PLBD2: variants seen among roughly 807,000 people sequenced by gnomAD.
The protein encoded by PLBD2 is phospholipase B domain containing 2.
A neutral mutation model predicts 68.3 loss-of-function variants in PLBD2; 51 were observed. That is an observed-to-expected ratio of 0.75 (90% CI 0.60 to 0.94). PLBD2 has a LOEUF of 0.94. Among genes scored for constraint, PLBD2 ranks in the 40% least tolerant of loss-of-function variants. The pLI is 0.00. For missense variants in PLBD2, 729 were observed against 792.2 expected, an observed-to-expected ratio of 0.92 and a Z score of 0.96; for synonymous variants, 314 against 339.3, an observed-to-expected ratio of 0.93 and a Z score of 0.82.
Position 113,387,826 on chromosome 12 carries a change from C to T in PLBD2, c.1522C>T (p.Arg508Cys), listed in dbSNP as rs552764818. ...QPNGENAISA[R>C]SDLNPANGSY... ...CAATGGGGAGAATGCTATCTCCGCC[C>T]GCTCCGACCTCAACCCGGCCAATGG... Residue 508 changes from arginine (R) to cysteine (C), a missense_variant, in exon 11 of 12, where the codon CGC (arginine) becomes TGC (cysteine). Physicochemically the swap from Arg to Cys is radical, Grantham distance 180 (BLOSUM62 -3). Transcript: ENST00000280800. 26 of 1,614,130 alleles carry T rather than the reference C, an allele frequency of 1.6e-5. No homozygotes were observed. In the Admixed American group the frequency reaches 2.2e-4, roughly 13 times the overall value.
At chr12:113,371,437 C>T (rs1357219075) in intron 2 of PLBD2, among the ~76,000 whole-genome samples, 1 of 152,228 alleles carries the variant, frequency 6.6e-6, no homozygotes, top group African/African-American at 2.4e-5. Context: ...TCCAGTGGGA[C>T]ACCCTTTTAT....
At position 113,374,937 on chromosome 12, in the gene PLBD2, C is replaced by T; in HGVS notation, c.789C>T (p.Thr263=). 6.2e-7 allele frequency: 1 copy of T among 1,614,166 alleles called. No individual in the cohort carries two copies. ...GTGACCTCCTGGTTGCCCACAACAC[C>T]TGGAACAACTACCAGCACATGCTGC... is the stretch of plus-strand genomic sequence containing the variant. ...GQSDLLVAHN[T]WNNYQHMLRV... Residue 263 remains threonine, a synonymous_variant, in exon 5 of 12, where the codon ACC becomes ACT. Transcript: ENST00000280800.
Position 113,384,361 on chromosome 12 carries a change from C to T in PLBD2, c.1118+96C>T, listed in dbSNP as rs977596488. On this transcript the variant is annotated intron_variant, in intron 7 of 11. Transcript: ENST00000280800. This position sits in a 1 kb window ranked among gnomAD's most constrained non-coding sequence, Gnocchi z 4.2. ...ACTCCTGGGGACCAGATGTGGCATC[C>T]GGGCCACACACCCCACGCCCTCCTT... The T allele has an allele frequency of 2.8e-5, 39 of 1,413,096 alleles. No homozygotes were observed. The highest frequency in any genetic ancestry group is 1.3e-4 in the African/African-American group (9 of 70,244). The allele number at this position is 1,413,096 out of a possible 1,614,324, so 87.5% of individuals were successfully genotyped here. A position where few individuals can be genotyped will look rare whatever the true frequency, so the allele number is the denominator to read the frequency against.
intron 2 of PLBD2, among the ~76,000 whole-genome samples, chr12:113,369,489 A>G (rs142005800): frequency 5.3e-5 from 8 of 152,370 alleles, no homozygotes; most frequent in African/African-American, 1.9e-4. Context: ...CATCACATGC[A>G]GTAAAACTAG....
rs1023360750 is a variant in PLBD2 at position 113,390,976 on chromosome 12, C to G, written c.*2350C>G. On this transcript the variant is annotated 3_prime_UTR_variant, in exon 12 of 12. Transcript: ENST00000280800. ...TCTGTGCAGATTCATTAATATCCAC[C>G]CATGCATCCATATTTATCTATTTTC... is the stretch of plus-strand genomic sequence containing the variant. 2 of 152,244 alleles carry G rather than the reference C, an allele frequency of 1.3e-5. No homozygotes were observed. The highest frequency in any genetic ancestry group is 6.5e-5 in the Admixed American group (1 of 15,278). The allele number at this position is 152,244 out of a possible 1,614,324, so 9.4% of individuals were successfully genotyped here.
intron 6 of PLBD2, among the ~76,000 whole-genome samples, chr12:113,383,176 G>A (rs1267050440): frequency 1.3e-5 from 2 of 152,204 alleles, no homozygotes; most frequent in African/African-American, 4.8e-5. Flanking sequence ...GAGACTGAGG[G>A]CCTCTCCTGT....
chr12:113,377,622 C>T (rs1381711496), intron 5 of PLBD2, among the ~76,000 whole-genome samples: 1 of 152,094 alleles, frequency 6.6e-6, no homozygotes, highest in African/African-American at 2.4e-5. Flanking sequence ...AATGGGGTTT[C>T]GCCATGTTGG....
rs1309523329 is a variant in PLBD2, at chr12:113,375,853, A to G, written c.859+846A>G. On this transcript the variant is annotated intron_variant, in intron 5 of 11. Coordinates refer to ENST00000280800, the MANE Select transcript of PLBD2 (RefSeq NM_173542.4). ...GAGACCTTGGTGAAACTGACACAGC[A>G]TTCTTTTCTTTTTATTTTGAGACAG... 5.3e-5 allele frequency among the ~76,000 whole-genome samples: 8 copies of G among 152,196 alleles called. No homozygotes were observed. In the South Asian group the frequency reaches 1.7e-3, roughly 32 times the overall value.
At chr12:113,365,788 C>G (rs892840161) in intron 1 of PLBD2, among the ~76,000 whole-genome samples, 1 of 152,134 alleles carries the variant, frequency 6.6e-6, no homozygotes, top group African/African-American at 2.4e-5. Flanking sequence ...TTTACTTTCT[C>G]TCTTCTCTTC....
At chr12:113,366,247 T>G (rs1957341203) in intron 1 of PLBD2, among the ~76,000 whole-genome samples, 1 of 152,188 alleles carries the variant, frequency 6.6e-6, no homozygotes, top group African/African-American at 2.4e-5. Context: ...TGTACCCTCT[T>G]CAAGGTCTCT....
rs1029310126 is a variant in PLBD2 at position 113,372,465 on chromosome 12, C to A, written c.385-184C>A. ...AGGCTCTCAGGGCAACTTCCAGGGG[C>A]CTGGGGTCCCTATCCGGGGCAGAGC... On this transcript the variant is annotated intron_variant, in intron 2 of 11. Coordinates refer to ENST00000280800, the MANE Select transcript of PLBD2 (RefSeq NM_173542.4). The surrounding 1 kb of genome is among the most constrained non-coding windows in gnomAD (Gnocchi z 4.2). Among the ~76,000 whole-genome samples the A allele has an allele frequency of 8.5e-5, 13 of 152,062 alleles. No individual in the cohort carries two copies. The highest frequency in any genetic ancestry group is 2.9e-4 in the African/African-American group (12 of 41,410).
At chr12:113,376,116 A>G (rs1009424281) in intron 5 of PLBD2, among the ~76,000 whole-genome samples, 6 of 150,064 alleles carry the variant, frequency 4.0e-5, no homozygotes, top group Admixed American at 1.3e-4. Context: ...GGCCTCCTAA[A>G]GTGCTTGGAT....
chr12:113,365,272 C>T (rs1284924938), intron 1 of PLBD2, among the ~76,000 whole-genome samples: 1 of 152,114 alleles, frequency 6.6e-6, no homozygotes, highest in Non-Finnish European at 1.5e-5. Flanking sequence ...CCTCGGTTCC[C>T]CACATCTGTA....
In PLBD2 at chr12:113,384,960, G is replaced by GGT; in HGVS notation, c.1214+14_1214+15insGT. 1 of 1,467,194 alleles carries GGT rather than the reference G, an allele frequency of 6.8e-7. No individual in the cohort carries two copies. Among genetic ancestry groups the GGT allele is most frequent in the Non-Finnish European group, 9.5e-7 (1 of 1,051,086 alleles). 90.9% of individuals were successfully genotyped at this position (1,467,194 alleles called of 1,614,324 possible). Reference sequence around the variant, plus strand: ...GGAGCAGATCCCGTGCGTACCCTGGGAGGGAGGGGTGGGGGCTCGGGGCAG... The same window carrying GGT: ...GGAGCAGATCCCGTGCGTACCCTGGGGTAGGGAGGGGTGGGGGCTCGGGGCAG... On this transcript the variant is annotated intron_variant, in intron 8 of 11. Coordinates refer to ENST00000280800, the MANE Select transcript of PLBD2 (RefSeq NM_173542.4). The surrounding 1 kb of genome is among the most constrained non-coding windows in gnomAD (Gnocchi z 4.2).
intron 5 of PLBD2, chr12:113,376,814 C>T (rs1957441721): frequency 6.6e-6 from 1 of 152,200 alleles, no homozygotes; most frequent in Admixed American, 6.6e-5. Flanking sequence ...AAGACCTTGT[C>T]TCTAATAAAG....
Position 113,388,560 on chromosome 12 carries a change from C to T in PLBD2, c.1704C>T (p.Ser568=), listed in dbSNP as rs751704298. Residue 568 remains serine, a synonymous_variant, in exon 12 of 12, where the codon AGC becomes AGT. Coordinates refer to ENST00000280800, the MANE Select transcript of PLBD2 (RefSeq NM_173542.4). The part of the protein sequence containing the change: ...PPFQWSTSPF[S]GLLHMGQPDL... ...TCCAGTGGAGCACCTCGCCCTTCAG[C>T]GGCCTGCTGCACATGGGCCAGCCAG... 1.9e-5 allele frequency: 30 copies of T among 1,610,782 alleles called. No homozygotes were observed. Among genetic ancestry groups the T allele is most frequent in the African/African-American group, 6.7e-5 (5 of 74,816 alleles).
At position 113,387,022 on chromosome 12, in the gene PLBD2, C is replaced by G. The variant is rs756092775; in HGVS notation, c.1372C>G (p.Arg458Gly). The change falls in exon 10 of 12, where the codon CGG (arginine) becomes GGG (glycine). Residue 458 changes from arginine (R) to glycine (G), a missense_variant. Physicochemically the swap from Arg to Gly is moderately radical, Grantham distance 125 (BLOSUM62 -2). Transcript: ENST00000280800. ...CTGGTTTTCTTATGACGGGAGCCCC[C>G]GGGCCCAGATCTTCCGGCGGAACCA... ...GDWFSYDGSP[R>G]AQIFRRNQSL... The G allele has an allele frequency of 6.2e-7, 1 of 1,611,764 alleles. No homozygotes were observed. Among genetic ancestry groups the G allele is most frequent in the Non-Finnish European group, 8.5e-7 (1 of 1,179,188 alleles).
chr12:113,363,846 T>G (rs964506099), intron 1 of PLBD2, among the ~76,000 whole-genome samples: 2 of 152,260 alleles, frequency 1.3e-5, no homozygotes, highest in Non-Finnish European at 2.9e-5. Flanking sequence ...CTTTTAGCTC[T>G]TTCTTCCAGA....
intron 5 of PLBD2, among the ~76,000 whole-genome samples, chr12:113,379,809 T>C (rs1287814883): frequency 1.3e-5 from 2 of 151,492 alleles, no homozygotes; most frequent in South Asian, 4.2e-4. Context: ...CGAAACTCTG[T>C]CTCAAAAAAA....
Sources: allele counts gnomAD v4.1 joint callset (sites outside exome capture counted in the v4.1 genomes callset), GRCh38; gene constraint gnomAD v4.1.1; non-coding constraint Gnocchi (gnomAD v3.1); transcripts MANE v1.5; gene names NCBI Gene and HGNC (gene_info 2026-07-23, HGNC 2026-07-21).